The following SEMA5A variants were observed in gnomAD, a reference collection of about 807,000 sequenced individuals.
The protein encoded by SEMA5A is semaphorin 5A.
SEMA5A carries 55 observed loss-of-function variants against 135.5 expected under a neutral mutation model. That is an observed-to-expected ratio of 0.41 (90% CI 0.33 to 0.51). The LOEUF (loss-of-function observed/expected upper bound fraction) is 0.51, where lower values mean the gene tolerates loss of function less well. Ranked by LOEUF, SEMA5A falls within the 20% of genes least tolerant of loss-of-function variation. The pLI, the probability that SEMA5A is intolerant of heterozygous loss-of-function variation, is 0.37. For missense variants in SEMA5A, 1,290 were observed against 1,419.9 expected (o/e 0.91, Z 1.47); for synonymous variants, 580 against 546.5 (o/e 1.06, Z -0.85).
intron 5 of SEMA5A, among the ~76,000 whole-genome samples, chr5:9,285,922 A>G (rs545376584): frequency 4.6e-5 from 7 of 152,254 alleles, no homozygotes; most frequent in Non-Finnish European, 8.8e-5. Flanking sequence ...ACACAAAGTA[A>G]TGATAAATGG....
At chr5:9,239,159 A>T (rs1465867484) in intron 5 of SEMA5A, among the ~76,000 whole-genome samples, 1 of 152,184 alleles carries the variant, frequency 6.6e-6, no homozygotes, top group East Asian at 1.9e-4. Flanking sequence ...AGTCCATAAG[A>T]AAAGTATTCT....
Position 9,088,659 on chromosome 5 carries a change from T to TATATATATAC in SEMA5A, c.2073+19480_2073+19481insGTATATATAT. ...TATAATATATATATATATATATATATACACACACACACTCATGGAATTCCA... is the reference window on the plus strand; with the variant it reads ...TATAATATATATATATATATATATATATATATATACACACACACACACTCATGGAATTCCA... On this transcript the variant is annotated intron_variant, in intron 16 of 22. Coordinates refer to ENST00000382496, the MANE Select transcript of SEMA5A (RefSeq NM_003966.3). 3.7e-4 allele frequency among the ~76,000 whole-genome samples: 42 copies of TATATATATAC among 112,870 alleles called. 1 individual carries two copies. The highest frequency in any genetic ancestry group is 1.6e-3 in the African/African-American group (37 of 23,468). 74.0% of individuals were successfully genotyped at this position (112,870 alleles called of 152,430 possible).
intron 12 of SEMA5A, among the ~76,000 whole-genome samples, chr5:9,142,626 T>C (rs1742125303): frequency 6.6e-6 from 1 of 152,206 alleles, no homozygotes; most frequent in South Asian, 2.1e-4. Flanking sequence ...AGTACCATGT[T>C]ACCATATACT....
At chr5:9,067,845 CCA>C (rs1737559639) in intron 16 of SEMA5A, among the ~76,000 whole-genome samples, 1 of 152,112 alleles carries the variant, frequency 6.6e-6, no homozygotes, top group Non-Finnish European at 1.5e-5. Context: ...CTCATAGTTT[CCA>C]TATCTTCATC....
intron 18 of SEMA5A, among the ~76,000 whole-genome samples, chr5:9,056,637 G>A (rs1004194507): frequency 6.6e-6 from 1 of 152,174 alleles, no homozygotes; most frequent in African/African-American, 2.4e-5. Flanking sequence ...CAGCAGAATC[G>A]CAGGAACCTG....
intron 10 of SEMA5A, among the ~76,000 whole-genome samples, chr5:9,196,524 G>T (rs6555594): frequency 6.6e-6 from 1 of 151,964 alleles, no homozygotes; most frequent in East Asian, 1.9e-4. Flanking sequence ...GTTTTCTTAC[G>T]GTAGTCCAAA....
intron 12 of SEMA5A, among the ~76,000 whole-genome samples, chr5:9,146,881 T>C (rs1158700423): frequency 6.6e-6 from 1 of 152,244 alleles, no homozygotes; most frequent in Admixed American, 6.5e-5. Context: ...CTTTGAGATT[T>C]GGCAAATATT....
At chr5:9,075,556 C>CAAAAAA (rs11377429) in intron 16 of SEMA5A, among the ~76,000 whole-genome samples, 2 of 146,186 alleles carry the variant, frequency 1.4e-5, no homozygotes, top group Non-Finnish European at 1.5e-5. Context: ...AAAAAGCCAG[C>CAAAAAA]AAAAAAAAAA....
chr5:9,528,815 C>A (rs1737279562), intron 1 of SEMA5A, among the ~76,000 whole-genome samples: 1 of 152,098 alleles, frequency 6.6e-6, no homozygotes. Context: ...AATGAGTTTA[C>A]CTATTTAATG....
At chr5:9,330,408 A>G (rs1028867800) in intron 4 of SEMA5A, among the ~76,000 whole-genome samples, 33 of 138,190 alleles carry the variant, frequency 2.4e-4, no homozygotes, top group African/African-American at 1.0e-3. Context: ...AAAAAAAAGT[A>G]CAGATTAGTT....
intron 16 of SEMA5A, among the ~76,000 whole-genome samples, chr5:9,071,422 T>A (rs1052343789): frequency 4.6e-5 from 7 of 152,204 alleles, no homozygotes; most frequent in Non-Finnish European, 7.3e-5. Context: ...ACTAATAGAC[T>A]GCAAATTTGT....
At chr5:9,322,697 T>C (rs1490789714) in intron 4 of SEMA5A, among the ~76,000 whole-genome samples, 2 of 152,112 alleles carry the variant, frequency 1.3e-5, no homozygotes, top group Non-Finnish European at 2.9e-5. Flanking sequence ...ATTTGTCCAA[T>C]ACTGTAAGGT....
intron 5 of SEMA5A, among the ~76,000 whole-genome samples, chr5:9,284,132 G>GAA (rs1554014666): frequency 6.6e-6 from 1 of 150,420 alleles, no homozygotes; most frequent in Non-Finnish European, 1.5e-5. Context: ...GAGAGAGAGA[G>GAA]ATAAGAGATA....
intron 4 of SEMA5A, among the ~76,000 whole-genome samples, chr5:9,334,549 T>C (rs1031811463): frequency 6.6e-6 from 1 of 152,242 alleles, no homozygotes; most frequent in African/African-American, 2.4e-5. Flanking sequence ...CCTGTTAATG[T>C]GACAGTAACT....
chr5:9,351,468 C>T (rs527826311), intron 3 of SEMA5A, among the ~76,000 whole-genome samples: 17 of 143,604 alleles, frequency 1.2e-4, no homozygotes, highest in East Asian at 1.1e-3. Flanking sequence ...TAGCCCCCAC[C>T]GTTTTTTTTT....
intron 16 of SEMA5A, 108 bp from the exon 17 acceptor site, chr5:9,066,754 T>A (rs990286185): frequency 8.1e-6 from 7 of 862,820 alleles, no homozygotes; most frequent in Non-Finnish European, 1.3e-5. Context: ...CACCAGCTCC[T>A]AAGACACTCA....
rs143119822 is a variant in SEMA5A, at chr5:9,412,841, C to T, written c.-78+24915G>A. On this transcript the variant is annotated intron_variant, in intron 2 of 22. Coordinates refer to ENST00000382496, the MANE Select transcript of SEMA5A (RefSeq NM_003966.3). ...CCACCTGTGGTATCATCTTGGCACT[C>T]GAAAATGTTTTAGATTTTGGATCAC... Among the ~76,000 whole-genome samples the T allele has an allele frequency of 5.3e-5, 8 of 152,140 alleles. No individual in the cohort carries two copies. The East Asian group carries it at 7.7e-4, about 15-fold the overall frequency.
chr5:9,418,013 G>T (rs1288757209), intron 2 of SEMA5A, among the ~76,000 whole-genome samples: 3 of 146,948 alleles, frequency 2.0e-5, no homozygotes, highest in African/African-American at 7.6e-5. Context: ...GTCTCGCTCT[G>T]TCGCCCAGGC....
chr5:9,283,307 G>C (rs1331718073), intron 5 of SEMA5A, among the ~76,000 whole-genome samples: 1 of 152,154 alleles, frequency 6.6e-6, no homozygotes, highest in Non-Finnish European at 1.5e-5. Context: ...GCTTGTGAGA[G>C]TCTTCTAAAC....
Sources: gnomAD v4.1 joint callset for allele counts (sites outside exome capture counted in the v4.1 genomes callset) on GRCh38, gnomAD v4.1.1 for gene constraint, MANE v1.5 for transcripts, NCBI Gene and HGNC (gene_info 2026-07-23, HGNC 2026-07-21) for gene names.